Variants in FRMD8 observed in about 807,000 individuals in gnomAD.
The protein encoded by FRMD8 is FERM domain-containing protein 8.
FRMD8 carries 37 observed loss-of-function variants against 54.2 expected under a neutral mutation model. The ratio of observed to expected loss-of-function variants is 0.68; its 90% confidence interval spans 0.53 to 0.90. The LOEUF is 0.90. Ranked by LOEUF, FRMD8 falls within the 40% of genes least tolerant of loss-of-function variation. The pLI is 0.00. For missense variants in FRMD8, 585 were observed against 653.7 expected (o/e 0.89, Z 1.15); for synonymous variants, 246 against 286.9 (o/e 0.86, Z 1.44).
Position 65,393,728 on chromosome 11 carries a change from C to G in FRMD8, c.355+54C>G, listed in dbSNP as rs1026653883. The G allele has an allele frequency of 7.6e-6, 11 of 1,449,326 alleles. No individual in the cohort carries two copies. The South Asian group carries it at 1.3e-4, about 17-fold the overall frequency. 89.8% of individuals were successfully genotyped at this position (1,449,326 alleles called of 1,614,324 possible). On this transcript the variant is annotated intron_variant, in intron 4 of 10. Coordinates refer to ENST00000317568, the MANE Select transcript of FRMD8 (RefSeq NM_031904.5). ...CTCGGGACCACCTGAGTCTGCATCT[C>G]TGGCTCCCAGCCCAGCCAGGGCCCT...
At chr11:65,393,905 A>C (rs1416721948) in intron 4 of FRMD8, 136 bp from the exon 5 acceptor site, 2 of 939,700 alleles carry the variant, frequency 2.1e-6, no homozygotes, top group African/African-American at 3.3e-5. Context: ...TGAGCTGCAC[A>C]CTCCACCCTC....
chr11:65,393,310 C>T (rs1374476108), intron 3 of FRMD8, among the ~76,000 whole-genome samples: 2 of 152,244 alleles, frequency 1.3e-5, no homozygotes, highest in African/African-American at 4.8e-5. Flanking sequence ...GCAGTGAACA[C>T]TTAGTGGCTG....
At chr11:65,369,183 G>A in the FRMD8 span, among the ~76,000 whole-genome samples, 1 of 152,142 alleles carries the variant, frequency 6.6e-6, no homozygotes, top group East Asian at 1.9e-4. Context: ...AACTCCCCAG[G>A]TGATTCCAAA....
chr11:65,372,836 C>T, the FRMD8 span, among the ~76,000 whole-genome samples: 1 of 152,210 alleles, frequency 6.6e-6, no homozygotes, highest in South Asian at 2.1e-4. Flanking sequence ...TTGCTTCCTT[C>T]CAGCCACGGG....
chr11:65,394,704 G>A (rs1855913171), intron 6 of FRMD8, among the ~76,000 whole-genome samples: 1 of 152,160 alleles, frequency 6.6e-6, no homozygotes, highest in South Asian at 2.1e-4. Flanking sequence ...TGGGCTTTTG[G>A]AGTCACAGCC....
At chr11:65,396,011 C>T (rs945247280) in intron 6 of FRMD8, among the ~76,000 whole-genome samples, 3 of 152,166 alleles carry the variant, frequency 2.0e-5, no homozygotes, top group Admixed American at 6.5e-5. Flanking sequence ...TGTGTGCCCT[C>T]GCAGGTGGGG....
intron 2 of FRMD8, among the ~76,000 whole-genome samples, chr11:65,388,959 G>C (rs1195974672): frequency 6.6e-6 from 1 of 152,194 alleles, no homozygotes; most frequent in Non-Finnish European, 1.5e-5. Flanking sequence ...CAGCCTCTCT[G>C]TGCTGTAGTT....
At chr11:65,381,894 G>A (rs1565586137), upstream of FRMD8, 6 of 1,614,056 alleles carry the variant, frequency 3.7e-6, no homozygotes, top group East Asian at 2.2e-5. Flanking sequence ...TGATGTGACA[G>A]AAGGAAGAAA....
chr11:65,372,608 TTTG>T, the FRMD8 span, among the ~76,000 whole-genome samples: 3 of 152,108 alleles, frequency 2.0e-5, no homozygotes, highest in East Asian at 3.8e-4. Context: ...CCCTTGCTGT[TTTG>T]TTGTTGTTGT....
At chr11:65,379,854 G>T in the FRMD8 span, 1 of 1,614,010 alleles carries the variant, frequency 6.2e-7, no homozygotes, top group Non-Finnish European at 8.5e-7. Context: ...CCCCAAAGGA[G>T]TGGGCCACTC....
chr11:65,390,230 T>C (rs1330393558), intron 3 of FRMD8, among the ~76,000 whole-genome samples: 1 of 152,008 alleles, frequency 6.6e-6, no homozygotes, highest in Non-Finnish European at 1.5e-5. Flanking sequence ...TTAAGGGCGG[T>C]GGCTCTCTAG....
upstream of FRMD8, among the ~76,000 whole-genome samples, chr11:65,385,277 C>A (rs1393014243): frequency 1.3e-5 from 2 of 152,198 alleles, no homozygotes; most frequent in African/African-American, 2.4e-5. Flanking sequence ...CCCTTCCCTG[C>A]AGCCCACATC....
At chr11:65,370,017 G>A in the FRMD8 span, among the ~76,000 whole-genome samples, 3 of 151,032 alleles carry the variant, frequency 2.0e-5, no homozygotes, top group Non-Finnish European at 4.4e-5. Flanking sequence ...GGCAACGAGA[G>A]TAAAACTCTG....
intron 7 of FRMD8, among the ~76,000 whole-genome samples, chr11:65,398,520 G>A (rs1027853109): frequency 6.6e-6 from 1 of 152,248 alleles, no homozygotes; most frequent in Non-Finnish European, 1.5e-5. Context: ...GGCTCTACCC[G>A]CAGCAGCTCC....
At position 65,389,462 on chromosome 11, in the gene FRMD8, G is replaced by A; in HGVS notation, c.187G>A (p.Glu63Lys). The change falls in exon 3 of 11, where the codon GAG becomes AAG. Residue 63 changes from glutamate (E) to lysine (K), a missense_variant. Physicochemically the swap from Glu to Lys is moderately conservative, Grantham distance 56 (BLOSUM62 1). Transcript: ENST00000317568. ...SAHELHRAVR[E>K]VLQLPDIALD... The stretch of plus-strand genomic sequence containing the variant: ...CCATGAGCTGCACCGCGCTGTCCGC[G>A]AGGTCCTGCAGCTTCCAGACATCGC... 6.2e-7 allele frequency: 1 copy of A among 1,609,364 alleles called. No homozygotes were observed. The highest frequency in any genetic ancestry group is 8.5e-7 in the Non-Finnish European group (1 of 1,179,954).
the FRMD8 span, chr11:65,379,866 C>G: frequency 1.9e-6 from 3 of 1,614,174 alleles, no homozygotes; most frequent in Non-Finnish European, 2.5e-6. Context: ...GGGCCACTCA[C>G]GGACTCATGG....
intron 6 of FRMD8, 52 bp from the exon 7 acceptor site, chr11:65,396,747 G>A: frequency 7.9e-7 from 1 of 1,259,066 alleles, no homozygotes; most frequent in African/African-American, 1.5e-5. Flanking sequence ...CCTCCCCCGT[G>A]AGCCTGGCAC....
At chr11:65,369,115 C>A in the FRMD8 span, among the ~76,000 whole-genome samples, 1 of 152,122 alleles carries the variant, frequency 6.6e-6, no homozygotes, top group Admixed American at 6.6e-5. Flanking sequence ...CTTGGACCCG[C>A]CCCAAGCCTA....
chr11:65,373,678 C>T, the FRMD8 span, among the ~76,000 whole-genome samples: 2 of 152,122 alleles, frequency 1.3e-5, no homozygotes, highest in African/African-American at 2.4e-5. Flanking sequence ...CCTCAACCTC[C>T]CAGGTTCAAA....
Sources: gnomAD v4.1 joint callset for allele counts (sites outside exome capture counted in the v4.1 genomes callset) on GRCh38, gnomAD v4.1.1 for gene constraint, MANE v1.5 for transcripts, NCBI Gene and HGNC (gene_info 2026-07-23, HGNC 2026-07-21) for gene names.